The following MLH3 variants were observed in gnomAD, a reference collection of about 807,000 sequenced individuals.
The protein encoded by MLH3 is mutL homolog 3.
In MLH3, 82 loss-of-function variants were observed where a neutral mutation model predicts 122.2. That is an observed-to-expected ratio of 0.67 (90% CI 0.56 to 0.81). The LOEUF is 0.81. Ranked by LOEUF, MLH3 falls within the 30% of genes least tolerant of loss-of-function variation. The probability of loss-of-function intolerance (pLI) is 0.00; values close to 1 mark genes in which losing one functional copy is unlikely to be tolerated. For missense variants in MLH3, 1,539 were observed against 1,714.5 expected, an observed-to-expected ratio of 0.90 and a Z score of 1.81; for synonymous variants, 524 against 599.5, an observed-to-expected ratio of 0.87 and a Z score of 1.84.
chr14:75,034,751 C>A (rs1248026052), intron 6 of MLH3, among the ~76,000 whole-genome samples: 2 of 152,008 alleles, frequency 1.3e-5, no homozygotes, highest in South Asian at 2.1e-4. Context: ...ATATCACATA[C>A]CCCCTGGGGA....
chr14:75,019,074 A>T, intron 11 of MLH3, 94 bp from the exon 12 acceptor site: 1 of 1,169,972 alleles, frequency 8.5e-7, no homozygotes, highest in Non-Finnish European at 1.3e-6. Flanking sequence ...AAAAAGTAAC[A>T]TGTTTCTTAG....
rs1266486679 is a variant in MLH3 at position 75,017,078 on chromosome 14, G to C, written c.*4C>G. 1.2e-6 allele frequency: 2 copies of C among 1,613,660 alleles called. No homozygotes were observed. The highest frequency in any genetic ancestry group is 4.5e-5 in the East Asian group (2 of 44,864). On this transcript the variant is annotated 3_prime_UTR_variant, in exon 13 of 13. Transcript: ENST00000355774. ...TTGTTCCTTTTAGACCAGTGATTCT[G>C]TTCTCATGGTGGCTCACAGGGAGGC...
chr14:75,044,069 A>T (rs1892052632), intron 2 of MLH3, among the ~76,000 whole-genome samples: 2 of 152,100 alleles, frequency 1.3e-5, no homozygotes, highest in Admixed American at 1.3e-4. Context: ...AGCCTGGGCA[A>T]CAAGAGCGAA....
intron 1 of MLH3, among the ~76,000 whole-genome samples, chr14:75,050,524 C>G (rs1276100327): frequency 6.6e-6 from 1 of 152,134 alleles, no homozygotes; most frequent in Non-Finnish European, 1.5e-5. Context: ...CTTAGCCTCC[C>G]GAGTAGCTGG....
chr14:75,032,346 A>G (rs1891107078), intron 7 of MLH3, among the ~76,000 whole-genome samples, 167 bp from the exon 8 acceptor site: 1 of 152,242 alleles, frequency 6.6e-6, no homozygotes, highest in South Asian at 2.1e-4. Flanking sequence ...ATAAATATTC[A>G]GCCTATTAAC....
chr14:75,041,505 G>A lies in MLH3; in HGVS notation c.3465+110C>T, dbSNP rs1273037031. The stretch of plus-strand genomic sequence containing the variant: ...CGAAGGTTACGTGAGCCGAGATCAT[G>A]CCATTGCATTTCAGTCTGGGCAACA... On this transcript the variant is annotated intron_variant, in intron 4 of 12. Coordinates refer to ENST00000355774, the MANE Select transcript of MLH3 (RefSeq NM_001040108.2). The A allele has an allele frequency of 1.1e-4, 89 of 816,854 alleles. No homozygotes were observed. The South Asian group carries it at 1.1e-3, about 10-fold the overall frequency. 50.6% of individuals were successfully genotyped at this position (816,854 alleles called of 1,614,324 possible).
intron 9 of MLH3, among the ~76,000 whole-genome samples, chr14:75,027,935 A>G (rs921416653): frequency 2.6e-5 from 4 of 151,934 alleles, no homozygotes; most frequent in Non-Finnish European, 4.4e-5. Context: ...AATTACTTTT[A>G]AACTTTGATA....
At chr14:75,038,836 A>AT (rs1395792656) in intron 5 of MLH3, among the ~76,000 whole-genome samples, 1 of 151,586 alleles carries the variant, frequency 6.6e-6, no homozygotes, top group Non-Finnish European at 1.5e-5. Flanking sequence ...ATTTTTATTT[A>AT]TTTTTAATTT....
At chr14:75,019,134 G>A (rs564671150) in intron 11 of MLH3, 154 bp from the exon 12 acceptor site, 35 of 713,200 alleles carry the variant, frequency 4.9e-5, no homozygotes, top group East Asian at 2.5e-4. Context: ...CTTATAGGCC[G>A]GGCATGGTGT....
chr14:75,019,732 A>ATT (rs760951832), intron 11 of MLH3, among the ~76,000 whole-genome samples: 1 of 152,064 alleles, frequency 6.6e-6, no homozygotes, highest in Non-Finnish European at 1.5e-5. Context: ...TCTAATTTCC[A>ATT]TAATAATCTT....
At chr14:75,031,933 C>T in intron 8 of MLH3, 135 bp downstream of exon 8, 1 of 715,784 alleles carries the variant, frequency 1.4e-6, no homozygotes, top group Middle Eastern at 3.7e-4. Context: ...TACTTAATAA[C>T]TGCTATGACC....
intron 12 of MLH3, among the ~76,000 whole-genome samples, chr14:75,018,316 T>C (rs1294471103): frequency 1.3e-5 from 2 of 152,200 alleles, no homozygotes; most frequent in East Asian, 3.8e-4. Flanking sequence ...TGCTGGGTAA[T>C]TAGGGCCAAA....
At chr14:75,029,436 T>C (rs1039242373) in intron 9 of MLH3, among the ~76,000 whole-genome samples, 10 of 152,180 alleles carry the variant, frequency 6.6e-5, no homozygotes, top group African/African-American at 2.4e-4. Context: ...CTATTGATAG[T>C]TCCCTAAACA....
At position 75,015,094 on chromosome 14, in the gene MLH3, A is replaced by G. The variant is rs1889822156; in HGVS notation, c.*1988T>C. On this transcript the variant is annotated 3_prime_UTR_variant, in exon 13 of 13. Coordinates refer to ENST00000355774, the MANE Select transcript of MLH3 (RefSeq NM_001040108.2). ...AATTATTTTGTAAACCTTAAAGCAC[A>G]ATATAGGTATTAATGATTACTATTA... The G allele has an allele frequency of 5.7e-6, 1 of 175,336 alleles. No individual in the cohort carries two copies. Among genetic ancestry groups the G allele is most frequent in the Admixed American group, 6.3e-5 (1 of 15,820 alleles). The allele number at this position is 175,336 out of a possible 1,614,324, so 10.9% of individuals were successfully genotyped here. A position where few individuals can be genotyped will look rare whatever the true frequency, so the allele number is the denominator to read the frequency against.
Position 75,016,944 on chromosome 14 carries a change from G to A in MLH3, c.*138C>T. 1 of 930,062 alleles carries A rather than the reference G, an allele frequency of 1.1e-6. No individual in the cohort carries two copies. The highest frequency in any genetic ancestry group is 1.6e-5 in the African/African-American group (1 of 61,944). The allele number at this position is 930,062 out of a possible 1,614,324, so 57.6% of individuals were successfully genotyped here. A position where few individuals can be genotyped will look rare whatever the true frequency, so the allele number is the denominator to read the frequency against. On this transcript the variant is annotated 3_prime_UTR_variant, in exon 13 of 13. Coordinates refer to ENST00000355774, the MANE Select transcript of MLH3 (RefSeq NM_001040108.2). Reference sequence around the variant, plus strand: ...CATCTGCTCAAGAAAGACTGATACAGAGAGCCCTGCTGTCTAAGCTGCTCA... The same window carrying A: ...CATCTGCTCAAGAAAGACTGATACAAAGAGCCCTGCTGTCTAAGCTGCTCA...
intron 9 of MLH3, among the ~76,000 whole-genome samples, chr14:75,025,226 C>T (rs933978580): frequency 7.2e-5 from 11 of 152,168 alleles, no homozygotes; most frequent in African/African-American, 2.7e-4. Flanking sequence ...TGTGTGTAGC[C>T]AAAGTTCCTG....
At chr14:75,042,270 C>A (rs1003143809) in intron 3 of MLH3, 109 bp downstream of exon 3, 16 of 915,578 alleles carry the variant, frequency 1.7e-5, no homozygotes, top group African/African-American at 6.5e-5. Flanking sequence ...ATTCCTGATT[C>A]CAGTACAGCA....
At position 75,018,888 on chromosome 14, in the gene MLH3, G is replaced by C. The variant is rs762922917; in HGVS notation, c.4183C>G (p.His1395Asp). The C allele has an allele frequency of 1.3e-5, 21 of 1,614,034 alleles. No individual in the cohort carries two copies. The highest frequency in any genetic ancestry group is 1.7e-5 in the Non-Finnish European group (20 of 1,180,028). The change falls in exon 12 of 13, where the codon CAC becomes GAC. Residue 1395 changes from histidine (H) to aspartate (D), a missense_variant. By Grantham distance (81) the His-to-Asp change is moderately conservative. Coordinates refer to ENST00000355774, the MANE Select transcript of MLH3 (RefSeq NM_001040108.2). ...SSCQLPFQCA[H>D]GRPSMLPLAD... ...AACGGCAGCATAGAAGGTCTCCCGT[G>C]AGCACACTGGAATGGCAGCTGGCAT...
At chr14:75,026,787 A>G (rs1245894245) in intron 9 of MLH3, among the ~76,000 whole-genome samples, 1 of 152,214 alleles carries the variant, frequency 6.6e-6, no homozygotes, top group Non-Finnish European at 1.5e-5. Flanking sequence ...TGGATTGACT[A>G]AGGACTTCAA....
Sources: allele counts gnomAD v4.1 joint callset (sites outside exome capture counted in the v4.1 genomes callset), GRCh38; gene constraint gnomAD v4.1.1; transcripts MANE v1.5; gene names NCBI Gene and HGNC (gene_info 2026-07-23, HGNC 2026-07-21).